Variants in ENTREP2 observed in about 807,000 individuals in gnomAD.
ENTREP2 encodes the protein protein ENTREP2.
the ENTREP2 span, chr15:29,266,554 A>T: frequency 6.6e-6 from 1 of 152,390 alleles, no homozygotes; most frequent in South Asian, 2.1e-4. Context: ...ATAAAAGAAC[A>T]ATTAAAATGA....
At chr15:29,624,421 G>T in the ENTREP2 span, among the ~76,000 whole-genome samples, 8 of 152,300 alleles carry the variant, frequency 5.3e-5, no homozygotes, top group Admixed American at 1.3e-4. Flanking sequence ...TGTGAGTAGT[G>T]TAAGGATGCA....
At chr15:29,261,787 G>C in the ENTREP2 span, among the ~76,000 whole-genome samples, 1 of 151,612 alleles carries the variant, frequency 6.6e-6, no homozygotes, top group Non-Finnish European at 1.5e-5. Context: ...ACAGATATTA[G>C]GAAATATTTA....
the ENTREP2 span, among the ~76,000 whole-genome samples, chr15:29,306,495 C>A: frequency 2.0e-5 from 3 of 152,008 alleles, no homozygotes; most frequent in Non-Finnish European, 4.4e-5. Context: ...GTTTAGGATA[C>A]CACATGACAA....
chr15:29,327,340 A>G, the ENTREP2 span, among the ~76,000 whole-genome samples: 35 of 152,210 alleles, frequency 2.3e-4, no homozygotes, highest in Non-Finnish European at 1.3e-4. Flanking sequence ...CTGTAATCCC[A>G]GCACTTTACT....
At chr15:29,437,355 A>G in the ENTREP2 span, among the ~76,000 whole-genome samples, 1 of 152,376 alleles carries the variant, frequency 6.6e-6, no homozygotes, top group East Asian at 1.9e-4. Context: ...GTAAACGTCT[A>G]AATTACTAAA....
At chr15:29,455,163 C>G in the ENTREP2 span, among the ~76,000 whole-genome samples, 2 of 152,134 alleles carry the variant, frequency 1.3e-5, no homozygotes, top group Admixed American at 1.3e-4. Context: ...GGGGATGAGA[C>G]TACAAAGCCC....
the ENTREP2 span, among the ~76,000 whole-genome samples, chr15:29,571,774 A>G: frequency 6.6e-6 from 1 of 152,202 alleles, no homozygotes; most frequent in Admixed American, 6.5e-5. Context: ...AAATCCTGCA[A>G]GTTTTGATTG....
chr15:29,672,085 C>A, the ENTREP2 span, among the ~76,000 whole-genome samples: 1 of 152,190 alleles, frequency 6.6e-6, no homozygotes, highest in South Asian at 2.1e-4. Flanking sequence ...CTCCTGGGTT[C>A]AAATGATTTT....
At chr15:29,249,408 T>C in the ENTREP2 span, among the ~76,000 whole-genome samples, 1 of 152,206 alleles carries the variant, frequency 6.6e-6, no homozygotes, top group Admixed American at 6.5e-5. Flanking sequence ...TAAATATATA[T>C]GTATACATAC....
At chr15:29,643,937 C>T in the ENTREP2 span, among the ~76,000 whole-genome samples, 8 of 152,152 alleles carry the variant, frequency 5.3e-5, no homozygotes, top group African/African-American at 1.7e-4. Context: ...CATTTGTAGG[C>T]GTATACTGAA....
At chr15:29,450,421 G>A in the ENTREP2 span, among the ~76,000 whole-genome samples, 5 of 152,206 alleles carry the variant, frequency 3.3e-5, no homozygotes, top group East Asian at 1.9e-4. Context: ...TGAAGGGAAC[G>A]GGCCCAGTTT....
At chr15:29,128,252 G>A in the ENTREP2 span, among the ~76,000 whole-genome samples, 258 of 152,180 alleles carry the variant, frequency 1.7e-3, no homozygotes, top group African/African-American at 5.7e-3. Context: ...CTTTCCTGGA[G>A]CCTTAGACCA....
At chr15:29,605,753 C>T in the ENTREP2 span, among the ~76,000 whole-genome samples, 1 of 152,046 alleles carries the variant, frequency 6.6e-6, no homozygotes, top group Non-Finnish European at 1.5e-5. Context: ...AGGAGAATTG[C>T]TTGAACCTGG....
At chr15:29,670,787 G>T in the ENTREP2 span, among the ~76,000 whole-genome samples, 1 of 152,222 alleles carries the variant, frequency 6.6e-6, no homozygotes, top group Non-Finnish European at 1.5e-5. Context: ...CCTGGGGAAG[G>T]CTAAGATGTG....
the ENTREP2 span, among the ~76,000 whole-genome samples, chr15:29,540,932 T>TA: frequency 6.6e-6 from 1 of 152,236 alleles, no homozygotes; most frequent in Non-Finnish European, 1.5e-5. Context: ...GATGATGTCC[T>TA]AGTGGCTAGT....
the ENTREP2 span, among the ~76,000 whole-genome samples, chr15:29,178,802 T>C: frequency 6.6e-6 from 1 of 152,188 alleles, no homozygotes; most frequent in Non-Finnish European, 1.5e-5. Flanking sequence ...TAGTTTTGCT[T>C]GACAATGCAA....
At chr15:29,265,685 AAAT>A in the ENTREP2 span, 1 of 152,256 alleles carries the variant, frequency 6.6e-6, no homozygotes, top group Non-Finnish European at 1.5e-5. Flanking sequence ...AATGGATAGC[AAAT>A]AAACCAATTC....
chr15:29,136,277 G>A, the ENTREP2 span: 107 of 1,352,904 alleles, frequency 7.9e-5, no homozygotes, highest in South Asian at 2.2e-4. Context: ...CGGACCTGGC[G>A]CGGTGTGAGG....
chr15:29,404,501 C>T, the ENTREP2 span, among the ~76,000 whole-genome samples: 16,475 of 151,924 alleles, frequency 0.11, 1,060 homozygotes, highest in East Asian at 0.3. Context: ...CAGGCTGACA[C>T]TGATCTTACT....
Sources: gnomAD v4.1 joint callset for allele counts (sites outside exome capture counted in the v4.1 genomes callset) on GRCh38, gnomAD v4.1.1 for gene constraint, MANE v1.5 for transcripts, NCBI Gene and HGNC (gene_info 2026-07-23, HGNC 2026-07-21) for gene names.